The following ZNF705G variants were observed in gnomAD, a reference collection of about 807,000 sequenced individuals.
ZNF705G encodes the protein putative zinc finger protein 705G.
In ZNF705G, 23 loss-of-function variants were observed where a neutral mutation model predicts 19.6. The observed-to-expected ratio is 1.17, with a 90% confidence interval of 0.84 to 1.66. The LOEUF is 1.66. Among genes scored for constraint, ZNF705G ranks in the 40% most tolerant of loss-of-function variants. The probability of loss-of-function intolerance (pLI) is 0.00; values close to 1 mark genes in which losing one functional copy is unlikely to be tolerated. For missense variants in ZNF705G, 457 were observed against 354.4 expected, an observed-to-expected ratio of 1.29 and a Z score of -2.32; for synonymous variants, 146 against 117.7, an observed-to-expected ratio of 1.24 and a Z score of -1.56.
At position 7,359,696 on chromosome 8, in the gene ZNF705G, C is replaced by T. The variant is rs762742652; in HGVS notation, c.241G>A (p.Glu81Lys). The T allele has an allele frequency of 2.6e-5, 41 of 1,606,574 alleles. 5 individuals are homozygous for T. In the African/African-American group the frequency reaches 4.9e-4, roughly 19 times the overall value. ...ATGTGTGTTTTCTTAAGGGCACTTT[C>T]CCTGTCTGAAATAATTGAAAAATAA... ...VFLQDQNPNRESALKKTHMIS... is the reference protein window; with the variant it reads ...VFLQDQNPNRKSALKKTHMIS... Residue 81 changes from glutamate (E) to lysine (K), a missense_variant, in exon 6 of 7, where the codon GAA becomes AAA. By Grantham distance (56) the Glu-to-Lys change is moderately conservative (BLOSUM62 1). Coordinates refer to ENST00000400156, the MANE Select transcript of ZNF705G (RefSeq NM_001164457.3).
At chr8:7,371,179 G>T (rs1340308240) in intron 2 of ZNF705G, among the ~76,000 whole-genome samples, 2 of 134,234 alleles carry the variant, frequency 1.5e-5, no homozygotes, top group African/African-American at 5.9e-5. Flanking sequence ...GGATGGACTT[G>T]GAGGGCATTA....
chr8:7,384,976 T>C (rs1161998108), intron 1 of ZNF705G, among the ~76,000 whole-genome samples: 1 of 146,150 alleles, frequency 6.8e-6, no homozygotes, highest in Admixed American at 6.6e-5. Context: ...CTATCCACAA[T>C]CAAAACTTTT....
rs1806177799 is a variant in ZNF705G at position 7,355,621 on chromosome 8, G to C, written c.*2355C>G. ...CTCTATGTGGAGGGAAGACGAGCTTGAATAAGAGAAGCATTCTGTGTTACG... is the reference window on the plus strand; with the variant it reads ...CTCTATGTGGAGGGAAGACGAGCTTCAATAAGAGAAGCATTCTGTGTTACG... On this transcript the variant is annotated 3_prime_UTR_variant, in exon 7 of 7. Coordinates refer to ENST00000400156, the MANE Select transcript of ZNF705G (RefSeq NM_001164457.3). 1 of 149,734 alleles carries C rather than the reference G, an allele frequency of 6.7e-6. No homozygotes were observed. The allele number at this position is 149,734 out of a possible 1,614,324, so 9.3% of individuals were successfully genotyped here.
At chr8:7,359,154 T>G (rs1466961596) in intron 6 of ZNF705G, among the ~76,000 whole-genome samples, 1 of 149,616 alleles carries the variant, frequency 6.7e-6, no homozygotes, top group Admixed American at 6.6e-5. Flanking sequence ...CCCTTTCCCC[T>G]TTAAATTTGG....
chr8:7,368,430 A>C lies in ZNF705G; in HGVS notation c.-71-5413T>G, dbSNP rs967217687. ...GACTCTATATTCTAAAATTCTTTGGAGGTAAACTGGACTTGAAAACAAATG... is the reference window on the plus strand; with the variant it reads ...GACTCTATATTCTAAAATTCTTTGGCGGTAAACTGGACTTGAAAACAAATG... On this transcript the variant is annotated intron_variant, in intron 2 of 6. Coordinates refer to ENST00000400156, the MANE Select transcript of ZNF705G (RefSeq NM_001164457.3). 2.7e-5 allele frequency among the ~76,000 whole-genome samples: 4 copies of C among 149,552 alleles called. 1 individual carries two copies. The highest frequency in any genetic ancestry group is 7.7e-5 in the African/African-American group (3 of 38,952).
chr8:7,364,418 C>T lies in ZNF705G; in HGVS notation c.-71-1401G>A, dbSNP rs561885647. Among the ~76,000 whole-genome samples the T allele has an allele frequency of 5.3e-5, 8 of 149,742 alleles. No individual in the cohort carries two copies. The South Asian group carries it at 1.0e-3, about 20-fold the overall frequency. On this transcript the variant is annotated intron_variant, in intron 2 of 6. Coordinates refer to ENST00000400156, the MANE Select transcript of ZNF705G (RefSeq NM_001164457.3). ...TTGTGACATTGTGCTTACAGATGTA[C>T]ATATATTTCCTTATTTAACCCTCAT...
At chr8:7,370,081 G>T (rs995693183) in intron 2 of ZNF705G, among the ~76,000 whole-genome samples, 1 of 147,490 alleles carries the variant, frequency 6.8e-6, no homozygotes, top group Admixed American at 6.6e-5. Context: ...GGCTAACACC[G>T]TGAAACCCTG....
intron 5 of ZNF705G, 96 bp downstream of exon 5, chr8:7,360,141 A>G (rs1488866881): frequency 1.5e-6 from 2 of 1,360,692 alleles, no homozygotes; most frequent in Non-Finnish European, 2.0e-6. Context: ...TTTAGAAATT[A>G]TCACTCATTT....
At chr8:7,363,326 C>T (rs1388501764) in intron 2 of ZNF705G, among the ~76,000 whole-genome samples, 2 of 148,158 alleles carry the variant, frequency 1.3e-5, no homozygotes, top group South Asian at 4.2e-4. Flanking sequence ...ACACAGGGAT[C>T]CCTGACTCCA....
intron 3 of ZNF705G, among the ~76,000 whole-genome samples, chr8:7,362,451 G>A (rs1806646742): frequency 6.7e-6 from 1 of 149,558 alleles, no homozygotes; most frequent in African/African-American, 2.6e-5. Context: ...TCAGCTGCTA[G>A]AACATCAGAC....
At chr8:7,370,582 C>T (rs1296240835) in intron 2 of ZNF705G, among the ~76,000 whole-genome samples, 5 of 144,680 alleles carry the variant, frequency 3.5e-5, no homozygotes, top group African/African-American at 5.7e-5. Context: ...GATGAGGCTG[C>T]TGAGATATAA....
chr8:7,384,510 C>G (rs1435796575), intron 1 of ZNF705G, among the ~76,000 whole-genome samples: 1 of 145,996 alleles, frequency 6.8e-6, no homozygotes, highest in Non-Finnish European at 1.5e-5. Flanking sequence ...TGAACCTAAC[C>G]TGTAAGAGGA....
chr8:7,363,264 T>C (rs1401754693), intron 2 of ZNF705G, among the ~76,000 whole-genome samples: 2 of 148,254 alleles, frequency 1.3e-5, no homozygotes, highest in Non-Finnish European at 1.5e-5. Flanking sequence ...CACGGAGTTT[T>C]GTATGTTAAT....
rs1477647497 is a variant in ZNF705G at position 7,356,431 on chromosome 8, T to C, written c.*1545A>G. The stretch of plus-strand genomic sequence containing the variant: ...GAGGGATAGAAGAGAAGAGCTGCCT[T>C]ATTCTCTGATCCCAGTTAACTGCCT... On this transcript the variant is annotated 3_prime_UTR_variant, in exon 7 of 7. Coordinates refer to ENST00000400156, the MANE Select transcript of ZNF705G (RefSeq NM_001164457.3). 6 of 149,734 alleles carry C rather than the reference T, an allele frequency of 4.0e-5. No individual in the cohort carries two copies. The highest frequency in any genetic ancestry group is 8.8e-5 in the Non-Finnish European group (6 of 68,124). 9.3% of individuals were successfully genotyped at this position (149,734 alleles called of 1,614,324 possible).
intron 2 of ZNF705G, among the ~76,000 whole-genome samples, chr8:7,370,525 A>G (rs1036761857): frequency 2.0e-5 from 3 of 148,486 alleles, no homozygotes; most frequent in African/African-American, 7.9e-5. Context: ...CATTTCAGAT[A>G]ACAGTATGAA....
At chr8:7,364,606 A>T (rs548834921) in intron 2 of ZNF705G, among the ~76,000 whole-genome samples, 1 of 149,610 alleles carries the variant, frequency 6.7e-6, no homozygotes, top group South Asian at 2.1e-4. Flanking sequence ...TACTCCCCTA[A>T]CCAACGTTCT....
At chr8:7,360,907 T>C (rs914867920) in intron 4 of ZNF705G, among the ~76,000 whole-genome samples, 1 of 149,550 alleles carries the variant, frequency 6.7e-6, no homozygotes, top group African/African-American at 2.6e-5. Context: ...TACATTCTAA[T>C]TGAGTGACAA....
chr8:7,359,642 C>G lies in ZNF705G; in HGVS notation c.295G>C (p.Asp99His), dbSNP rs1207837710. The G allele has an allele frequency of 6.2e-7, 1 of 1,606,812 alleles. No homozygotes were observed. The change falls in exon 6 of 7, where the codon GAC becomes CAC. Residue 99 changes from aspartate to histidine, a missense_variant. Physicochemically the swap from Asp to His is moderately conservative, Grantham distance 81. Coordinates refer to ENST00000400156, the MANE Select transcript of ZNF705G (RefSeq NM_001164457.3). ...MISMHPITRK[D>H]ASTSMTMENS... Reference sequence around the variant, plus strand: ...ACCATTGTCATACTGGTGGATGCGTCTTTTCTGGTGATAGGATGCATGGAT... The same window carrying G: ...ACCATTGTCATACTGGTGGATGCGTGTTTTCTGGTGATAGGATGCATGGAT...
chr8:7,371,486 A>C (rs1330055234), intron 2 of ZNF705G, among the ~76,000 whole-genome samples: 1 of 100,374 alleles, frequency 1.0e-5, no homozygotes, highest in Non-Finnish European at 2.1e-5. Context: ...TTACCAAAAA[A>C]ATAATAATAA....
Sources: allele counts gnomAD v4.1 joint callset (sites outside exome capture counted in the v4.1 genomes callset), GRCh38; gene constraint gnomAD v4.1.1; transcripts MANE v1.5; gene names NCBI Gene and HGNC (gene_info 2026-07-23, HGNC 2026-07-21).